The following WWC1 variants were observed in gnomAD, a reference collection of about 807,000 sequenced individuals.
The protein encoded by WWC1 is protein KIBRA.
A neutral mutation model predicts 138.4 loss-of-function variants in WWC1; 55 were observed. The observed-to-expected ratio is 0.40, with a 90% CI of 0.32 to 0.50. The LOEUF (loss-of-function observed/expected upper bound fraction) is 0.50. Among genes scored for constraint, WWC1 ranks in the 20% least tolerant of loss-of-function variants. The probability of loss-of-function intolerance (pLI) is 0.72; values close to 1 mark genes in which losing one functional copy is unlikely to be tolerated. For missense variants in WWC1, 1,226 were observed against 1,420.4 expected (o/e 0.86, Z 2.20); for synonymous variants, 524 against 564.9 (o/e 0.93, Z 1.03).
At chr5:168,415,556 A>G (rs1213762637) in intron 9 of WWC1, 1 of 152,052 alleles carries the variant, frequency 6.6e-6, no homozygotes, top group Non-Finnish European at 1.5e-5. Context: ...CTTCATGTTC[A>G]TTTATTCATT....
intron 19 of WWC1, among the ~76,000 whole-genome samples, chr5:168,457,408 G>C (rs13162860): frequency 6.6e-6 from 1 of 152,174 alleles, no homozygotes; most frequent in African/African-American, 2.4e-5. Context: ...TCCCAACAGA[G>C]ACATGCTGGG....
chr5:168,383,566 G>C (rs1458342202), intron 2 of WWC1, among the ~76,000 whole-genome samples: 1 of 152,188 alleles, frequency 6.6e-6, no homozygotes, highest in Non-Finnish European at 1.5e-5. Context: ...TGACATAAAT[G>C]AATGAAGCAG....
At chr5:168,460,526 G>A (rs1177052083) in intron 19 of WWC1, 124 bp from the exon 20 acceptor site, 1 of 801,518 alleles carries the variant, frequency 1.2e-6, no homozygotes, top group Non-Finnish European at 2.0e-6. Context: ...ATGAAACCTG[G>A]GTGTTTGCAG....
At chr5:168,460,566 G>C (rs2152891592) in intron 19 of WWC1, 84 bp from the exon 20 acceptor site, 1 of 1,349,668 alleles carries the variant, frequency 7.4e-7, no homozygotes, top group East Asian at 2.4e-5. Context: ...CCGAGTGGAG[G>C]AACCTGACCT....
At chr5:168,345,426 G>T (rs984783984) in intron 1 of WWC1, among the ~76,000 whole-genome samples, 2 of 152,154 alleles carry the variant, frequency 1.3e-5, no homozygotes, top group Non-Finnish European at 2.9e-5. Context: ...AGGGCCTGTT[G>T]TCTCTTCTTC....
At chr5:168,439,243 CT>C (rs925287191) in intron 15 of WWC1, among the ~76,000 whole-genome samples, 5 of 152,122 alleles carry the variant, frequency 3.3e-5, no homozygotes, top group Admixed American at 2.6e-4. Flanking sequence ...AGATCTTCCT[CT>C]TTTTTACATG....
chr5:168,456,953 C>A (rs1756386202), intron 19 of WWC1, among the ~76,000 whole-genome samples: 1 of 152,044 alleles, frequency 6.6e-6, no homozygotes, highest in Non-Finnish European at 1.5e-5. Context: ...TTTTAAGTGA[C>A]CCTTTTCCAG....
chr5:168,364,365 G>T (rs114234719), intron 1 of WWC1, among the ~76,000 whole-genome samples: 170 of 152,210 alleles, frequency 1.1e-3, no homozygotes, highest in African/African-American at 3.9e-3. Flanking sequence ...CCTGCCCATG[G>T]CCCGTTGGCC....
chr5:168,325,752 C>T (rs1484737098), intron 1 of WWC1, among the ~76,000 whole-genome samples: 1 of 152,150 alleles, frequency 6.6e-6, no homozygotes, highest in Admixed American at 6.5e-5. Context: ...ACCATCACCA[C>T]CATCCATCTC....
At chr5:168,309,380 A>G (rs1392412086) in intron 1 of WWC1, among the ~76,000 whole-genome samples, 2 of 146,972 alleles carry the variant, frequency 1.4e-5, no homozygotes, top group African/African-American at 5.5e-5. Flanking sequence ...CTTTTTTGCC[A>G]TTACCGTGAG....
intron 15 of WWC1, among the ~76,000 whole-genome samples, chr5:168,439,768 G>A (rs570369013): frequency 2.3e-4 from 35 of 152,272 alleles, no homozygotes; most frequent in African/African-American, 7.9e-4. Context: ...TTATTCGGTC[G>A]AAGGGTAAAA....
intron 1 of WWC1, among the ~76,000 whole-genome samples, chr5:168,317,392 G>T (rs1002414419): frequency 6.6e-6 from 1 of 152,188 alleles, no homozygotes; most frequent in Non-Finnish European, 1.5e-5. Flanking sequence ...AGGAAGTCCT[G>T]CCTCCTTCCT....
intron 1 of WWC1, among the ~76,000 whole-genome samples, chr5:168,346,170 T>C (rs977513548): frequency 1.3e-5 from 2 of 151,762 alleles, no homozygotes; most frequent in East Asian, 2.0e-4. Context: ...CTATGTCTGA[T>C]GTCGAAAGGA....
At chr5:168,369,375 C>T (rs1045519124) in intron 1 of WWC1, among the ~76,000 whole-genome samples, 4 of 152,056 alleles carry the variant, frequency 2.6e-5, no homozygotes, top group Non-Finnish European at 5.9e-5. Flanking sequence ...CTTACTGAAC[C>T]CTTATTTGTT....
At chr5:168,299,851 G>A (rs1474902852) in intron 1 of WWC1, among the ~76,000 whole-genome samples, 2 of 152,298 alleles carry the variant, frequency 1.3e-5, no homozygotes, top group South Asian at 4.1e-4. Flanking sequence ...AGGGAATGCC[G>A]ACCTAATGTC....
At chr5:168,297,292 C>G (rs1044641877) in intron 1 of WWC1, among the ~76,000 whole-genome samples, 2 of 152,146 alleles carry the variant, frequency 1.3e-5, no homozygotes, top group East Asian at 3.9e-4. Flanking sequence ...CTGGAGTGGA[C>G]CTTTCTGTTC....
intron 12 of WWC1, among the ~76,000 whole-genome samples, 170 bp from the exon 13 acceptor site, chr5:168,428,537 T>C (rs1365248152): frequency 6.6e-6 from 1 of 152,016 alleles, no homozygotes; most frequent in Non-Finnish European, 1.5e-5. Context: ...CTGGGCAACA[T>C]AGTGAGCCCC....
intron 1 of WWC1, among the ~76,000 whole-genome samples, chr5:168,350,320 A>G (rs1774841890): frequency 6.6e-6 from 1 of 152,242 alleles, no homozygotes; most frequent in Admixed American, 6.5e-5. Context: ...TTGTGCAGGA[A>G]TGATTTAAAA....
chr5:168,353,688 C>A (rs769632822), intron 1 of WWC1, among the ~76,000 whole-genome samples: 1 of 152,232 alleles, frequency 6.6e-6, no homozygotes, highest in Non-Finnish European at 1.5e-5. Context: ...CTTCTTGAAG[C>A]CTTAGTGTCC....
Sources: gnomAD v4.1 joint callset for allele counts (sites outside exome capture counted in the v4.1 genomes callset) on GRCh38, gnomAD v4.1.1 for gene constraint, MANE v1.5 for transcripts, NCBI Gene and HGNC (gene_info 2026-07-23, HGNC 2026-07-21) for gene names.